SNX8: variants seen among roughly 807,000 people sequenced by gnomAD.
The protein encoded by SNX8 is sorting nexin 8, also known as sorting nexin-8.
Under a neutral mutation model 51.6 loss-of-function variants are expected in SNX8, and 25 were observed. That is an observed-to-expected ratio of 0.48 (90% CI 0.35 to 0.68). The LOEUF is 0.68. SNX8 is among the 30% of genes least tolerant of loss of function. SNX8 has a pLI of 0.00. For missense variants in SNX8, 695 were observed against 624.0 expected (o/e 1.11, Z -1.21); for synonymous variants, 324 against 277.0 (o/e 1.17, Z -1.68).
At chr7:2,335,377 G>A (rs1215579414) in intron 1 of SNX8, among the ~76,000 whole-genome samples, 3 of 152,240 alleles carry the variant, frequency 2.0e-5, no homozygotes, top group Admixed American at 2.0e-4. Flanking sequence ...AGCCGGGCGT[G>A]GTGGCTCACG....
intron 1 of SNX8, among the ~76,000 whole-genome samples, chr7:2,310,619 T>G (rs1554267205): frequency 3.3e-5 from 5 of 151,838 alleles, no homozygotes; most frequent in Non-Finnish European, 1.5e-5. Context: ...TACAAAAAAT[T>G]AGTCAGGTGT....
chr7:2,260,467 T>C (rs1795308668), intron 7 of SNX8, among the ~76,000 whole-genome samples: 1 of 152,162 alleles, frequency 6.6e-6, no homozygotes, highest in Non-Finnish European at 1.5e-5. Flanking sequence ...GGGCCACAGG[T>C]TGGACAAATG....
chr7:2,291,506 G>A (rs940168790), intron 1 of SNX8, among the ~76,000 whole-genome samples: 4 of 151,850 alleles, frequency 2.6e-5, no homozygotes, highest in African/African-American at 7.3e-5. Context: ...GCTGAGGCAC[G>A]AGAATCACTT....
intron 1 of SNX8, among the ~76,000 whole-genome samples, chr7:2,347,947 T>C (rs961963665): frequency 1.1e-4 from 16 of 152,072 alleles, no homozygotes; most frequent in Admixed American, 9.2e-4. Flanking sequence ...TGGCCCACAC[T>C]GGACCCTTTG....
intron 1 of SNX8, among the ~76,000 whole-genome samples, chr7:2,346,523 G>C (rs1779029872): frequency 1.3e-5 from 2 of 151,656 alleles, no homozygotes; most frequent in South Asian, 4.2e-4. Flanking sequence ...CGAGGTGGGA[G>C]GATCACGAGG....
At chr7:2,346,887 G>C (rs10447599) in intron 1 of SNX8, among the ~76,000 whole-genome samples, 1 of 144,056 alleles carries the variant, frequency 6.9e-6, no homozygotes, top group African/African-American at 2.6e-5. Flanking sequence ...ACCACTGTAC[G>C]CCAGCCTGGG....
In SNX8 at chr7:2,314,401, G is replaced by A. The variant is rs904691401; in HGVS notation, c.21C>T (p.Asp7=). The A allele has an allele frequency of 8.2e-6, 10 of 1,219,184 alleles. No individual in the cohort carries two copies. The African/African-American group carries it at 1.4e-4, about 17-fold the overall frequency. The allele number at this position is 1,219,184 out of a possible 1,614,324, so 75.5% of individuals were successfully genotyped here. Residue 7 remains aspartate, a synonymous_variant, in exon 1 of 11, where the codon GAC becomes GAT. Transcript: ENST00000222990. ...CCCCGACTGCAGCCGCGGGCAGCGG[G>A]TCCATCGCGCGGCCAGTCATGTGAG... is the stretch of plus-strand genomic sequence containing the variant. MTGRAM[D]PLPAAAVGAA...
intron 1 of SNX8, among the ~76,000 whole-genome samples, chr7:2,332,200 C>A (rs1207512258): frequency 6.6e-6 from 1 of 150,854 alleles, no homozygotes; most frequent in Admixed American, 6.6e-5. Flanking sequence ...GAGCCATAGG[C>A]TGTCTCAGAA....
At chr7:2,327,193 C>T (rs144047524) in intron 1 of SNX8, among the ~76,000 whole-genome samples, 192 of 152,122 alleles carry the variant, frequency 1.3e-3, no homozygotes, top group African/African-American at 4.3e-3. Flanking sequence ...CACACAGCTG[C>T]CTTCTCCTTG....
intron 1 of SNX8, among the ~76,000 whole-genome samples, chr7:2,337,562 T>C (rs940800507): frequency 6.6e-6 from 1 of 152,242 alleles, no homozygotes; most frequent in Admixed American, 6.6e-5. Context: ...AAATAATCCA[T>C]AATAAAATTA....
chr7:2,321,556 AGCTGGAATAACAGGC>A (rs1778514355), intron 1 of SNX8, among the ~76,000 whole-genome samples: 1 of 147,924 alleles, frequency 6.8e-6, no homozygotes, highest in Admixed American at 6.9e-5. Context: ...CCTCCCAAGT[AGCTGGAATAACAGGC>A]GCCCGCCACT....
intron 1 of SNX8, among the ~76,000 whole-genome samples, chr7:2,353,444 G>A (rs1779210990): frequency 6.6e-6 from 1 of 152,010 alleles, no homozygotes; most frequent in South Asian, 2.1e-4. Flanking sequence ...TTACCTTTTT[G>A]GCATTTTATT....
rs57859551 is a variant in SNX8, at chr7:2,332,743, AAAGGAAGG to A, written c.-66+21471_-66+21478del. ...CCAGTGAGAGAGAGAGAGAGAGAGA[AAAGGAAGG>A]AAGGAAGGAAGGAAGGAAGGAGGGA... On this transcript the variant is annotated intron_variant, in intron 1 of 5. Transcript: ENST00000435336. Among the ~76,000 whole-genome samples the A allele has an allele frequency of 1.6e-3, 229 of 140,380 alleles. 1 individual carries two copies. Among genetic ancestry groups the A allele is most frequent in the African/African-American group, 4.7e-3 (176 of 37,310 alleles). The allele number at this position is 140,380 out of a possible 152,430, so 92.1% of individuals were successfully genotyped here. A position where few individuals can be genotyped will look rare whatever the true frequency, so the allele number is the denominator to read the frequency against.
intron 5 of SNX8, among the ~76,000 whole-genome samples, chr7:2,266,042 A>G (rs1002451576): frequency 2.0e-5 from 3 of 152,224 alleles, no homozygotes; most frequent in Admixed American, 2.0e-4. Flanking sequence ...GCTTGAACTC[A>G]GGAGGTCGAG....
intron 3 of SNX8, among the ~76,000 whole-genome samples, chr7:2,274,372 G>A (rs1795725276): frequency 6.6e-6 from 1 of 152,258 alleles, no homozygotes; most frequent in African/African-American, 2.4e-5. Flanking sequence ...TGGAAGGGCT[G>A]GGAACGGCAG....
intron 1 of SNX8, among the ~76,000 whole-genome samples, chr7:2,303,491 T>G (rs1478898271): frequency 1.3e-5 from 2 of 152,122 alleles, no homozygotes; most frequent in African/African-American, 4.8e-5. Flanking sequence ...AGGATGACAA[T>G]GGCGGTTTTG....
upstream of SNX8, among the ~76,000 whole-genome samples, chr7:2,316,007 G>A (rs1024665714): frequency 3.0e-5 from 4 of 134,084 alleles, no homozygotes; most frequent in Non-Finnish European, 4.7e-5. Context: ...ACTGCATCCT[G>A]CATTCATTCA....
chr7:2,354,260 G>C (rs1276289828), exon 1 of SNX8: 1 of 152,250 alleles, frequency 6.6e-6, no homozygotes, highest in African/African-American at 2.4e-5. Context: ...TTCTAGTCGT[G>C]TGGGCCCTCT....
chr7:2,253,788 G>C lies in SNX8; in HGVS notation c.*1268C>G, dbSNP rs11981932. On this transcript the variant is annotated 3_prime_UTR_variant, in exon 11 of 11. Transcript: ENST00000222990. ...TCCATCCCACGGCCGTGAGCTGCCCGTAGGTACAGGCGGAAGGGAAGCACC... is the reference window on the plus strand; with the variant it reads ...TCCATCCCACGGCCGTGAGCTGCCCCTAGGTACAGGCGGAAGGGAAGCACC... 1.3e-5 allele frequency: 2 copies of C among 152,266 alleles called. No individual in the cohort carries two copies. Among genetic ancestry groups the C allele is most frequent in the African/African-American group, 4.8e-5 (2 of 41,462 alleles). The allele number at this position is 152,266 out of a possible 1,614,324, so 9.4% of individuals were successfully genotyped here.
Sources: gnomAD v4.1 joint callset for allele counts (sites outside exome capture counted in the v4.1 genomes callset) on GRCh38, gnomAD v4.1.1 for gene constraint, MANE v1.5 for transcripts, NCBI Gene and HGNC (gene_info 2026-07-23, HGNC 2026-07-21) for gene names.